MTUS2: variants seen among roughly 807,000 people sequenced by gnomAD.
MTUS2 encodes the protein microtubule-associated tumor suppressor candidate 2.
A neutral mutation model predicts 114.1 loss-of-function variants in MTUS2; 40 were observed. The observed-to-expected ratio is 0.35, with a 90% CI of 0.27 to 0.46. The LOEUF is 0.46. Among genes scored for constraint, MTUS2 ranks in the 20% least tolerant of loss-of-function variants. The pLI is 1.00. For synonymous variants in MTUS2, 688 were observed against 672.0 expected (o/e 1.02, Z -0.37); for missense variants, 1,679 against 1,705.4 (o/e 0.98, Z 0.27).
At chr13:28,914,291 T>C (rs142097607) in intron 2 of MTUS2, among the ~76,000 whole-genome samples, 82 of 152,288 alleles carry the variant, frequency 5.4e-4, no homozygotes, top group African/African-American at 1.9e-3. Context: ...TCTGGCATGT[T>C]GTCTGTTTGT....
intron 2 of MTUS2, among the ~76,000 whole-genome samples, chr13:28,844,173 G>C (rs976493871): frequency 2.0e-5 from 3 of 152,188 alleles, no homozygotes; most frequent in Non-Finnish European, 4.4e-5. Context: ...CAGCCATTTG[G>C]TCGTGATTTC....
chr13:29,267,612 A>G (rs1356424947), intron 5 of MTUS2, among the ~76,000 whole-genome samples: 1 of 152,242 alleles, frequency 6.6e-6, no homozygotes, highest in Non-Finnish European at 1.5e-5. Flanking sequence ...AGGTTGTTCC[A>G]GCGGGCACAT....
At chr13:29,421,426 A>G (rs1331011315) in intron 8 of MTUS2, among the ~76,000 whole-genome samples, 1 of 152,218 alleles carries the variant, frequency 6.6e-6, no homozygotes, top group Non-Finnish European at 1.5e-5. Context: ...CTCTTGAAAT[A>G]AATAGTGAGA....
chr13:29,295,746 G>C (rs1426903532), intron 6 of MTUS2, among the ~76,000 whole-genome samples: 1 of 152,158 alleles, frequency 6.6e-6, no homozygotes, highest in Non-Finnish European at 1.5e-5. Flanking sequence ...AGTTCCCCAT[G>C]GCTGGGGAGT....
chr13:29,210,466 G>A (rs192841063), intron 5 of MTUS2, among the ~76,000 whole-genome samples: 1 of 152,198 alleles, frequency 6.6e-6, no homozygotes, highest in Non-Finnish European at 1.5e-5. Context: ...CATTGTTGGT[G>A]AGCTAGTGTG....
chr13:28,868,502 C>T (rs1289666893), intron 2 of MTUS2, among the ~76,000 whole-genome samples: 2 of 152,078 alleles, frequency 1.3e-5, no homozygotes, highest in East Asian at 1.9e-4. Flanking sequence ...GTGCTCCTCT[C>T]GACGGACTTT....
intron 2 of MTUS2, among the ~76,000 whole-genome samples, chr13:28,953,747 A>G (rs1050623694): frequency 2.6e-5 from 4 of 152,134 alleles, no homozygotes; most frequent in African/African-American, 9.7e-5. Context: ...TTAAGAGCCT[A>G]TTGGCTTATT....
chr13:29,385,107 C>T (rs1449277305), intron 8 of MTUS2, among the ~76,000 whole-genome samples: 1 of 152,194 alleles, frequency 6.6e-6, no homozygotes, highest in African/African-American at 2.4e-5. Context: ...CTTCCAGGCT[C>T]CAGTTGTTGG....
At chr13:29,052,571 A>C (rs1034272047) in intron 4 of MTUS2, among the ~76,000 whole-genome samples, 5 of 152,210 alleles carry the variant, frequency 3.3e-5, no homozygotes, top group African/African-American at 1.2e-4. Context: ...CAAATGGACA[A>C]AGCCTCTGAA....
chr13:29,103,726 C>T (rs1352688920), intron 5 of MTUS2, among the ~76,000 whole-genome samples: 2 of 152,212 alleles, frequency 1.3e-5, no homozygotes, highest in Non-Finnish European at 2.9e-5. Flanking sequence ...AGGAACTTTT[C>T]AGCTCATTTA....
chr13:29,061,680 C>G (rs1888427656), intron 4 of MTUS2, among the ~76,000 whole-genome samples: 1 of 152,212 alleles, frequency 6.6e-6, no homozygotes, highest in African/African-American at 2.4e-5. Context: ...GAAACTTCCT[C>G]TAGGCAGAGA....
intron 2 of MTUS2, among the ~76,000 whole-genome samples, chr13:28,963,076 G>T (rs1883404333): frequency 6.6e-6 from 1 of 152,188 alleles, no homozygotes; most frequent in East Asian, 1.9e-4. Flanking sequence ...CTGCAGCTGG[G>T]CGCAGTGGCT....
intron 9 of MTUS2, among the ~76,000 whole-genome samples, chr13:29,472,036 T>C (rs1880354528): frequency 6.6e-6 from 1 of 152,162 alleles, no homozygotes; most frequent in Non-Finnish European, 1.5e-5. Context: ...CTGTTGTTTT[T>C]CTTTTTGAGA....
At chr13:28,844,611 G>GTGTGTGTA (rs10572890) in intron 2 of MTUS2, among the ~76,000 whole-genome samples, 1 of 150,520 alleles carries the variant, frequency 6.6e-6, no homozygotes, top group Non-Finnish European at 1.5e-5. Flanking sequence ...GTGTGTGTGT[G>GTGTGTGTA]TATGTGTGTG....
intron 9 of MTUS2, among the ~76,000 whole-genome samples, chr13:29,468,249 C>T (rs978848428): frequency 2.6e-5 from 4 of 152,010 alleles, no homozygotes; most frequent in African/African-American, 9.7e-5. Context: ...TCTTCCAAAG[C>T]ATATGGCAGA....
At chr13:28,835,150 A>G (rs1874982417) in intron 1 of MTUS2, among the ~76,000 whole-genome samples, 1 of 152,108 alleles carries the variant, frequency 6.6e-6, no homozygotes, top group African/African-American at 2.4e-5. Flanking sequence ...TGACCCAGAA[A>G]CTCTCTTCCT....
Position 28,963,573 on chromosome 13 carries a change from T to G in MTUS2, c.-242-60884T>G, listed in dbSNP as rs73439464. 9.5e-3 allele frequency among the ~76,000 whole-genome samples: 1,451 copies of G among 152,306 alleles called. 33 individuals are homozygous for G. The highest frequency in any genetic ancestry group is 0.033 in the African/African-American group (1,372 of 41,560). On this transcript the variant is annotated intron_variant, in intron 2 of 15. Coordinates refer to ENST00000612955, the MANE Select transcript of MTUS2 (RefSeq NM_001033602.4). ...ATCTCTGTGTATGTGTATGAGAGTG[T>G]GTGTGTGTGAATATATCCTTTCTTT... is the stretch of plus-strand genomic sequence containing the variant.
At chr13:29,349,562 T>G (rs573560210) in intron 7 of MTUS2, among the ~76,000 whole-genome samples, 252 of 152,252 alleles carry the variant, frequency 1.7e-3, no homozygotes, top group African/African-American at 5.7e-3. Context: ...TAACATTTAT[T>G]GTAGTGGAGA....
chr13:29,068,109 G>T (rs1010793876), intron 4 of MTUS2, among the ~76,000 whole-genome samples: 1 of 152,126 alleles, frequency 6.6e-6, no homozygotes, highest in Non-Finnish European at 1.5e-5. Flanking sequence ...AAGAGAAGAT[G>T]GTCTTATTAT....
Sources: gnomAD v4.1 joint callset for allele counts (sites outside exome capture counted in the v4.1 genomes callset) on GRCh38, gnomAD v4.1.1 for gene constraint, MANE v1.5 for transcripts, NCBI Gene and HGNC (gene_info 2026-07-23, HGNC 2026-07-21) for gene names.